Variants in DNAJC13 observed in about 807,000 individuals in gnomAD.
The protein encoded by DNAJC13 is dnaJ homolog subfamily C member 13.
A neutral mutation model predicts 290.5 loss-of-function variants in DNAJC13; 75 were observed. That is an observed-to-expected ratio of 0.26 (90% CI 0.21 to 0.31). The LOEUF is 0.31. Ranked by LOEUF, DNAJC13 falls within the 10% of genes least tolerant of loss-of-function variation. The pLI, the probability that DNAJC13 is intolerant of heterozygous loss-of-function variation, is 1.00. For missense variants in DNAJC13, 2,260 were observed against 2,674.5 expected, an observed-to-expected ratio of 0.85 and a Z score of 3.42; for synonymous variants, 862 against 892.0, an observed-to-expected ratio of 0.97 and a Z score of 0.60.
In DNAJC13 at chr3:132,525,693, G is replaced by A; in HGVS notation, c.6144G>A (p.Leu2048=). ...QPQLADQVPP[L]GHLPKVIQAM... ...AGCTGGCAGATCAGGTCCCGCCATT[G>A]GGCCATCTTCCCAAAGTTATCCAGG... Residue 2048 remains leucine, a synonymous_variant, in exon 52 of 56, where the codon TTG becomes TTA. Transcript: ENST00000260818. 6.2e-7 allele frequency: 1 copy of A among 1,614,188 alleles called. No individual in the cohort carries two copies. The highest frequency in any genetic ancestry group is 8.5e-7 in the Non-Finnish European group (1 of 1,180,024).
intron 45 of DNAJC13, 70 bp downstream of exon 45, chr3:132,513,169 A>C: frequency 7.8e-7 from 1 of 1,289,134 alleles, no homozygotes; most frequent in Admixed American, 1.7e-5. Context: ...AGTCTCTATC[A>C]GTCATTGTCT....
chr3:132,431,128 A>T (rs1462085103), intron 1 of DNAJC13, among the ~76,000 whole-genome samples: 1 of 152,230 alleles, frequency 6.6e-6, no homozygotes, highest in African/African-American at 2.4e-5. Context: ...TTTGAAGTAG[A>T]TATCAGAATT....
At chr3:132,421,365 A>G (rs1295266336) in intron 1 of DNAJC13, among the ~76,000 whole-genome samples, 1 of 152,246 alleles carries the variant, frequency 6.6e-6, no homozygotes, top group Non-Finnish European at 1.5e-5. Context: ...AATTGACTAT[A>G]TGCATTTCAA....
chr3:132,426,065 T>C (rs886893452), intron 1 of DNAJC13, among the ~76,000 whole-genome samples: 5 of 151,690 alleles, frequency 3.3e-5, no homozygotes, highest in African/African-American at 1.2e-4. Context: ...TTGCCAGTAT[T>C]ACTGCCAGTA....
Position 132,514,615 on chromosome 3 carries a change from T to C in DNAJC13, c.5430T>C (p.Ile1810=). Residue 1810 remains isoleucine (I), a synonymous_variant, in exon 46 of 56, where the codon ATT becomes ATC. Transcript: ENST00000260818. ...CTAACCAAGACTGTGTCAACAATAT[T>C]GCTGAATCAATGGTTTTGTCCAGTT... ...VTSNQDCVNN[I]AESMVLSSLL... The C allele has an allele frequency of 6.2e-7, 1 of 1,612,194 alleles. No individual in the cohort carries two copies. Among genetic ancestry groups the C allele is most frequent in the Non-Finnish European group, 8.5e-7 (1 of 1,179,034 alleles).
chr3:132,532,921 T>TATG (rs1463795838), intron 55 of DNAJC13, among the ~76,000 whole-genome samples: 1 of 148,540 alleles, frequency 6.7e-6, no homozygotes, highest in Non-Finnish European at 1.5e-5. Flanking sequence ...TAATTATTAT[T>TATG]ATTATTATTA....
intron 45 of DNAJC13, 63 bp downstream of exon 45, chr3:132,513,162 C>G (rs923610793): frequency 3.2e-5 from 42 of 1,333,240 alleles, no homozygotes; most frequent in Middle Eastern, 1.8e-4. Flanking sequence ...TAATTTGAGT[C>G]TCTATCAGTC....
chr3:132,447,811 A>G, intron 4 of DNAJC13, 87 bp from the exon 5 acceptor site: 3 of 1,048,636 alleles, frequency 2.9e-6, no homozygotes, highest in Middle Eastern at 2.0e-4. Flanking sequence ...CCAAGTCAGG[A>G]TTTTACTTGC....
rs149556531 is a variant in DNAJC13, at chr3:132,531,176, A to G, written c.6625+79A>G. The G allele has an allele frequency of 1.2e-4, 157 of 1,258,180 alleles. No homozygotes were observed. In the African/African-American group the frequency reaches 1.9e-3, roughly 15 times the overall value. 77.9% of individuals were successfully genotyped at this position (1,258,180 alleles called of 1,614,324 possible). Reference sequence around the variant, plus strand: ...CTTCCTTTTGCCCTAAATAGACTTAAAATTGTGTTCAGAGTGTTTCTTAGG... The same window carrying G: ...CTTCCTTTTGCCCTAAATAGACTTAGAATTGTGTTCAGAGTGTTTCTTAGG... On this transcript the variant is annotated intron_variant, in intron 55 of 55. Transcript: ENST00000260818.
At chr3:132,438,701 A>G (rs1323707538) in intron 2 of DNAJC13, among the ~76,000 whole-genome samples, 1 of 152,182 alleles carries the variant, frequency 6.6e-6, no homozygotes, top group Non-Finnish European at 1.5e-5. Context: ...CATTTCTGTT[A>G]CCTTTGTAGT....
At chr3:132,502,971 G>T (rs941661378) in intron 40 of DNAJC13, among the ~76,000 whole-genome samples, 4 of 152,180 alleles carry the variant, frequency 2.6e-5, no homozygotes, top group Non-Finnish European at 5.9e-5. Context: ...AGTTGTCTGT[G>T]AGATATACTG....
intron 1 of DNAJC13, among the ~76,000 whole-genome samples, chr3:132,434,037 C>T (rs1939309043): frequency 6.6e-6 from 1 of 152,096 alleles, no homozygotes; most frequent in African/African-American, 2.4e-5. Context: ...GGTGAAATCC[C>T]GTCTCTACTA....
chr3:132,479,392 C>T lies in DNAJC13; in HGVS notation c.2772+103C>T, dbSNP rs113531990. ...TTATCCAGGGAGTGTTCTTTTCTGT[C>T]TTCTCCTTTTTAGACAGAAAGTTCT... On this transcript the variant is annotated intron_variant, in intron 25 of 55. Transcript: ENST00000260818. 9.3e-4 allele frequency: 746 copies of T among 799,962 alleles called. 6 individuals carry two copies. In the African/African-American group the frequency reaches 0.011, roughly 12 times the overall value. The allele number at this position is 799,962 out of a possible 1,614,324, so 49.6% of individuals were successfully genotyped here. A position where few individuals can be genotyped will look rare whatever the true frequency, so the allele number is the denominator to read the frequency against.
intron 29 of DNAJC13, among the ~76,000 whole-genome samples, chr3:132,487,067 T>G (rs1934901906): frequency 6.6e-6 from 1 of 152,090 alleles, no homozygotes; most frequent in African/African-American, 2.4e-5. Context: ...TATGTTTCCT[T>G]TTTAAAATAT....
Position 132,538,520 on chromosome 3 carries a change from T to C in DNAJC13, c.*238T>C, listed in dbSNP as rs1049709548. On this transcript the variant is annotated 3_prime_UTR_variant, in exon 56 of 56. Transcript: ENST00000260818. ...CAAGAATTTTTTTTTTCTTGGTGTA[T>C]GTAAGCACATTTGTTCCTTTATATC... is the stretch of plus-strand genomic sequence containing the variant. 5 of 369,774 alleles carry C rather than the reference T, an allele frequency of 1.4e-5. No homozygotes were observed. Among genetic ancestry groups the C allele is most frequent in the African/African-American group, 2.1e-5 (1 of 47,536 alleles). The allele number at this position is 369,774 out of a possible 1,614,324, so 22.9% of individuals were successfully genotyped here.
At position 132,526,212 on chromosome 3, in the gene DNAJC13, T is replaced by A; in HGVS notation, c.6312T>A (p.Asp2104Glu). 6.2e-7 allele frequency: 1 copy of A among 1,614,118 alleles called. No individual in the cohort carries two copies. Among genetic ancestry groups the A allele is most frequent in the Non-Finnish European group, 8.5e-7 (1 of 1,179,996 alleles). ...TGAATGGAATGAAAAAGCGAGCAGA[T>A]ACTGTTGGTCTAGCCTGTGAAGCAA... ...PLMNGMKKRA[D>E]TVGLACEAIN... Residue 2104 changes from aspartate to glutamate, a missense_variant, in exon 53 of 56, where the codon GAT becomes GAA. Coordinates refer to ENST00000260818, the MANE Select transcript of DNAJC13 (RefSeq NM_015268.4).
chr3:132,462,769 TTTAC>T (rs1933842218), intron 16 of DNAJC13, among the ~76,000 whole-genome samples: 1 of 152,232 alleles, frequency 6.6e-6, no homozygotes, highest in Admixed American at 6.5e-5. Context: ...ATTTGTTTAT[TTTAC>T]TTACTTAAAA....
intron 29 of DNAJC13, among the ~76,000 whole-genome samples, chr3:132,484,914 A>C (rs1471833764): frequency 3.3e-5 from 5 of 151,820 alleles, no homozygotes; most frequent in Admixed American, 3.3e-4. Context: ...ACAAAAAATA[A>C]ATAAATAAAT....
chr3:132,418,773 C>T (rs1232953502), intron 1 of DNAJC13, among the ~76,000 whole-genome samples: 2 of 152,120 alleles, frequency 1.3e-5, no homozygotes, highest in Admixed American at 1.3e-4. Context: ...TTCTTTCTTA[C>T]TATATTTTCT....
Sources: gnomAD v4.1 joint callset for allele counts (sites outside exome capture counted in the v4.1 genomes callset) on GRCh38, gnomAD v4.1.1 for gene constraint, MANE v1.5 for transcripts, NCBI Gene and HGNC (gene_info 2026-07-23, HGNC 2026-07-21) for gene names.